Variants in MEI4 observed in about 807,000 individuals in gnomAD.
MEI4 encodes the protein meiosis-specific protein MEI4.
MEI4 carries 27 observed loss-of-function variants against 31.4 expected under a neutral mutation model. That is an observed-to-expected ratio of 0.86 (90% confidence interval 0.63 to 1.19). The LOEUF is 1.19. Ranked by LOEUF, MEI4 falls within the 50% of genes most tolerant of loss-of-function variation. The pLI is 0.00. For synonymous variants in MEI4, 122 were observed against 145.4 expected, an observed-to-expected ratio of 0.84 and a Z score of 1.16; for missense variants, 329 against 398.9, an observed-to-expected ratio of 0.82 and a Z score of 1.49.
At chr6:77,683,035 G>A (rs1768986506) in intron 1 of MEI4, among the ~76,000 whole-genome samples, 1 of 152,144 alleles carries the variant, frequency 6.6e-6, no homozygotes, top group African/African-American at 2.4e-5. Context: ...TAATGTGCAA[G>A]TACTGTTCTT....
Position 77,820,624 on chromosome 6 carries a change from C to T in MEI4, c.769-8307C>T, listed in dbSNP as rs1193180267. On this transcript the variant is annotated intron_variant, in intron 3 of 4. Coordinates refer to ENST00000684080, the MANE Select transcript of MEI4 (RefSeq NM_001322247.2). This position sits in a 1 kb window ranked among gnomAD's most constrained non-coding sequence, Gnocchi z 4.5. ...TATCAGTGTTAAAATGACTCATATT[C>T]ATACATTGAAAACGTCTTATTTTCT... is the stretch of plus-strand genomic sequence containing the variant. 6.6e-6 allele frequency among the ~76,000 whole-genome samples: 1 copy of T among 151,954 alleles called. No homozygotes were observed. Among genetic ancestry groups the T allele is most frequent in the Non-Finnish European group, 1.5e-5 (1 of 67,988 alleles).
At chr6:77,673,042 G>T (rs6930644) in intron 1 of MEI4, among the ~76,000 whole-genome samples, 50,391 of 152,016 alleles carry the variant, frequency 0.33, 8,693 homozygotes, top group Middle Eastern at 0.37. Context: ...CTAGAAGAGT[G>T]AACATTTGGG....
In MEI4 at chr6:77,847,306, A is replaced by T. The variant is rs1476814841; in HGVS notation, c.900+18244A>T. 6.6e-6 allele frequency among the ~76,000 whole-genome samples: 1 copy of T among 152,154 alleles called. No homozygotes were observed. The highest frequency in any genetic ancestry group is 1.5e-5 in the Non-Finnish European group (1 of 68,046). ...AATTCAAGAGAAATGTTGAGTAAATACAGGAAATAAAGCCAATTATTTCCT... is the reference window on the plus strand; with the variant it reads ...AATTCAAGAGAAATGTTGAGTAAATTCAGGAAATAAAGCCAATTATTTCCT... On this transcript the variant is annotated intron_variant, in intron 4 of 4. Coordinates refer to ENST00000684080, the MANE Select transcript of MEI4 (RefSeq NM_001322247.2). This position sits in a 1 kb window ranked among gnomAD's most constrained non-coding sequence, Gnocchi z 4.6.
intron 2 of MEI4, among the ~76,000 whole-genome samples, chr6:77,709,999 G>T (rs1165652804): frequency 6.6e-6 from 1 of 152,162 alleles, no homozygotes; most frequent in Non-Finnish European, 1.5e-5. Context: ...GCTCTCTGTT[G>T]TCTGCTAGGG....
chr6:77,826,865 G>A (rs1222760421), intron 3 of MEI4, among the ~76,000 whole-genome samples: 1 of 152,106 alleles, frequency 6.6e-6, no homozygotes, highest in Non-Finnish European at 1.5e-5. Flanking sequence ...CTTCTGCACA[G>A]TTAATATAGG....
intron 3 of MEI4, among the ~76,000 whole-genome samples, chr6:77,779,901 C>A (rs901237254): frequency 6.6e-6 from 1 of 152,152 alleles, no homozygotes; most frequent in African/African-American, 2.4e-5. Context: ...ATAACATAGG[C>A]ATTTGAAATT....
At chr6:77,751,311 G>A (rs1379549465) in intron 2 of MEI4, among the ~76,000 whole-genome samples, 1 of 151,526 alleles carries the variant, frequency 6.6e-6, no homozygotes, top group Non-Finnish European at 1.5e-5. Context: ...AAAAACCCTT[G>A]AAAAAACTTG....
chr6:77,737,005 G>A (rs567098600), intron 2 of MEI4, among the ~76,000 whole-genome samples: 1 of 152,278 alleles, frequency 6.6e-6, no homozygotes, highest in Non-Finnish European at 1.5e-5. Context: ...TATGATAGTG[G>A]CATACAGAGC....
intron 2 of MEI4, among the ~76,000 whole-genome samples, chr6:77,693,212 T>C (rs1325191675): frequency 1.3e-5 from 2 of 152,112 alleles, no homozygotes; most frequent in Non-Finnish European, 2.9e-5. Context: ...TAGAGTCCTT[T>C]TTGATAATGG....
chr6:77,699,011 A>G lies in MEI4; in HGVS notation c.232+8108A>G, dbSNP rs530719004. Among the ~76,000 whole-genome samples the G allele has an allele frequency of 1.8e-3, 266 of 151,526 alleles. 2 individuals carry two copies. Among genetic ancestry groups the G allele is most frequent in the African/African-American group, 6.1e-3 (250 of 41,318 alleles). The stretch of plus-strand genomic sequence containing the variant: ...TAAACTTCCCTTCTCGCTTCATTTC[A>G]TTCATTTCGTCTTCCATCACTGATA... On this transcript the variant is annotated intron_variant, in intron 2 of 4. Transcript: ENST00000684080.
At chr6:77,689,576 A>G (rs1298750285) in intron 1 of MEI4, among the ~76,000 whole-genome samples, 1 of 152,026 alleles carries the variant, frequency 6.6e-6, no homozygotes, top group Non-Finnish European at 1.5e-5. Flanking sequence ...AAGGGTGCAC[A>G]GTCAGGGCTT....
chr6:77,825,104 T>A (rs1769913569), intron 3 of MEI4, among the ~76,000 whole-genome samples: 1 of 152,164 alleles, frequency 6.6e-6, no homozygotes, highest in Non-Finnish European at 1.5e-5. Flanking sequence ...GTATCTGATA[T>A]TAGAAATGTG....
At chr6:77,729,330 C>T (rs910311348) in intron 2 of MEI4, among the ~76,000 whole-genome samples, 3 of 152,086 alleles carry the variant, frequency 2.0e-5, no homozygotes, top group South Asian at 2.1e-4. Context: ...ATTTCAAAAT[C>T]GAAAAAGTTG....
chr6:77,655,797 T>A (rs1768384165), intron 1 of MEI4, among the ~76,000 whole-genome samples: 1 of 152,118 alleles, frequency 6.6e-6, no homozygotes, highest in Non-Finnish European at 1.5e-5. Flanking sequence ...ATTTTTAGTA[T>A]CTTGTTCTGA....
chr6:77,786,823 A>G (rs1345102296), intron 3 of MEI4, among the ~76,000 whole-genome samples: 2 of 152,236 alleles, frequency 1.3e-5, no homozygotes, highest in East Asian at 3.8e-4. Flanking sequence ...TATAAGAATA[A>G]GACTAAAAAT....
intron 4 of MEI4, among the ~76,000 whole-genome samples, chr6:77,846,818 G>A (rs60778876): frequency 0.23 from 35,177 of 151,996 alleles, 5,168 homozygotes; most frequent in African/African-American, 0.42. Flanking sequence ...TCTAAGCATT[G>A]ACAGTTCAAG....
At chr6:77,716,801 G>A in intron 2 of MEI4, 1 of 808,038 alleles carries the variant, frequency 1.2e-6, no homozygotes, top group Non-Finnish European at 1.5e-6. Context: ...ACTGCATGTT[G>A]TCATGTGGAA....
chr6:77,921,924 A>ATCTG (rs1766712747), intron 4 of MEI4, among the ~76,000 whole-genome samples: 1 of 151,798 alleles, frequency 6.6e-6, no homozygotes, highest in Non-Finnish European at 1.5e-5. Context: ...AGATAAAGTA[A>ATCTG]CAGTGAAAAA....
chr6:77,742,920 T>C lies in MEI4; in HGVS notation c.233-18210T>C, dbSNP rs554164508. ...TGTTTTTCACAGGTTTGTCAAAGAT[T>C]AGATAGTTGTAGATATGCGGCGTTA... On this transcript the variant is annotated intron_variant, in intron 2 of 4. Coordinates refer to ENST00000684080, the MANE Select transcript of MEI4 (RefSeq NM_001322247.2). 2.1e-3 allele frequency among the ~76,000 whole-genome samples: 320 copies of C among 152,152 alleles called. 3 individuals carry two copies. Among genetic ancestry groups the C allele is most frequent in the African/African-American group, 7.0e-3 (290 of 41,450 alleles).
Sources: allele counts gnomAD v4.1 joint callset (sites outside exome capture counted in the v4.1 genomes callset), GRCh38; gene constraint gnomAD v4.1.1; non-coding constraint Gnocchi (gnomAD v3.1); transcripts MANE v1.5; gene names NCBI Gene and HGNC (gene_info 2026-07-23, HGNC 2026-07-21).